Variants in KCNQ2 observed in about 807,000 individuals in gnomAD.
KCNQ2 encodes the protein potassium voltage-gated channel subfamily Q member 2.
KCNQ2 carries 14 observed loss-of-function variants against 84.8 expected under a neutral mutation model. The observed-to-expected ratio is 0.17, with a 90% CI of 0.11 to 0.26. The LOEUF is 0.26. Ranked by LOEUF, KCNQ2 falls within the 10% of genes least tolerant of loss-of-function variation. The probability of loss-of-function intolerance (pLI) is 1.00; values close to 1 mark genes in which losing one functional copy is unlikely to be tolerated. For synonymous variants in KCNQ2, 599 were observed against 554.1 expected (o/e 1.08, Z -1.14); for missense variants, 788 against 1,254.0 (o/e 0.63, Z 5.61).
At chr20:63,430,374 AC>A (rs1256970814) in intron 9 of KCNQ2, among the ~76,000 whole-genome samples, 14 of 152,012 alleles carry the variant, frequency 9.2e-5, no homozygotes, top group Non-Finnish European at 1.8e-4. Flanking sequence ...GGAGCCCTGG[AC>A]CCACCACTGC....
rs2081078064 is a variant in KCNQ2, at chr20:63,438,815, A to G, written c.928-95T>C. The G allele has an allele frequency of 1.8e-5, 14 of 775,256 alleles. No individual in the cohort carries two copies. The highest frequency in any genetic ancestry group is 2.8e-5 in the South Asian group (2 of 71,188). 48.0% of individuals were successfully genotyped at this position (775,256 alleles called of 1,614,324 possible). A position where few individuals can be genotyped will look rare whatever the true frequency, so the allele number is the denominator to read the frequency against. ...GCTCTGGGGCCCCACACCCCCCCCAATTCATCAGGGTCAGACCACACTCCA... is the reference window on the plus strand; with the variant it reads ...GCTCTGGGGCCCCACACCCCCCCCAGTTCATCAGGGTCAGACCACACTCCA... On this transcript the variant is annotated intron_variant, in intron 6 of 16. Transcript: ENST00000359125. The surrounding 1 kb of genome is among the most constrained non-coding windows in gnomAD (Gnocchi z 5.1).
intron 15 of KCNQ2, among the ~76,000 whole-genome samples, chr20:63,410,672 G>A (rs969204638): frequency 6.6e-6 from 1 of 152,208 alleles, no homozygotes; most frequent in Non-Finnish European, 1.5e-5. Flanking sequence ...CCGTTCTCAC[G>A]GGAGGAGCAC....
chr20:63,451,719 C>T (rs956753779), intron 1 of KCNQ2, among the ~76,000 whole-genome samples: 1 of 152,016 alleles, frequency 6.6e-6, no homozygotes, highest in African/African-American at 2.4e-5. Flanking sequence ...ACCCAGTCAT[C>T]TCCCCACTGA....
intron 15 of KCNQ2, chr20:63,411,862 G>A (rs901101825): frequency 1.4e-6 from 1 of 710,234 alleles, no homozygotes; most frequent in Non-Finnish European, 2.6e-6. Flanking sequence ...AGGGGGCGGG[G>A]GACCCACAAT....
intron 11 of KCNQ2, among the ~76,000 whole-genome samples, chr20:63,423,340 G>T (rs901246579): frequency 1.3e-5 from 2 of 152,154 alleles, no homozygotes; most frequent in Admixed American, 6.5e-5. Flanking sequence ...CGTCCATCTC[G>T]GACCCCAGGT....
rs188064157 is a variant in KCNQ2, at chr20:63,441,801, G to A, written c.816+605C>T. 2.2e-4 allele frequency among the ~76,000 whole-genome samples: 33 copies of A among 152,358 alleles called. No homozygotes were observed. In the Middle Eastern group the frequency reaches 0.01, roughly 47 times the overall value. ...AAATAACTTCGGATCAGCTGCATCC[G>A]GCTTAGGCACCAGGTGGAGCTGCCC... On this transcript the variant is annotated intron_variant, in intron 5 of 16. Transcript: ENST00000359125.
chr20:63,452,295 G>A (rs2081637335), intron 1 of KCNQ2, among the ~76,000 whole-genome samples: 1 of 152,280 alleles, frequency 6.6e-6, no homozygotes, highest in African/African-American at 2.4e-5. Flanking sequence ...TTGAGAAGCT[G>A]TAATCCAGTG....
In KCNQ2 at chr20:63,446,857, G is replaced by A. The variant is rs763592414; in HGVS notation, c.297-20C>T. ...AGGAACCTGGGGGCAGGGAACGCGC[G>A]CTCTCAGACAGGCCGCAGCAGGGCA... On this transcript the variant is annotated intron_variant, in intron 1 of 16. Transcript: ENST00000359125. The surrounding 1 kb of genome is among the most constrained non-coding windows in gnomAD (Gnocchi z 5.5). The A allele has an allele frequency of 8.7e-6, 14 of 1,605,254 alleles. No homozygotes were observed. Among genetic ancestry groups the A allele is most frequent in the African/African-American group, 5.3e-5 (4 of 74,806 alleles).
chr20:63,407,917 G>A lies in KCNQ2; in HGVS notation c.1887+496C>T, dbSNP rs188083299. 1.9e-5 allele frequency: 4 copies of A among 210,244 alleles called. No individual in the cohort carries two copies. The highest frequency in any genetic ancestry group is 1.2e-4 in the East Asian group (1 of 8,168). The allele number at this position is 210,244 out of a possible 1,614,324, so 13.0% of individuals were successfully genotyped here. ...GAGCCAGGCCCTCCTGCTGCCCACCGTGGAACCCCCTTCAGGAAAGCCCCA... is the reference window on the plus strand; with the variant it reads ...GAGCCAGGCCCTCCTGCTGCCCACCATGGAACCCCCTTCAGGAAAGCCCCA... On this transcript the variant is annotated intron_variant, in intron 16 of 16. Coordinates refer to ENST00000359125, the MANE Select transcript of KCNQ2 (RefSeq NM_172107.4). This position sits in a 1 kb window ranked among gnomAD's most constrained non-coding sequence, Gnocchi z 7.2.
At position 63,400,825 on chromosome 20, in the gene KCNQ2, G is replaced by A. The variant is rs1038784911; in HGVS notation, c.*5819C>T. 10 of 398,174 alleles carry A rather than the reference G, an allele frequency of 2.5e-5. No homozygotes were observed. The highest frequency in any genetic ancestry group is 1.3e-4 in the South Asian group (1 of 7,866). 24.7% of individuals were successfully genotyped at this position (398,174 alleles called of 1,614,324 possible). A position where few individuals can be genotyped will look rare whatever the true frequency, so the allele number is the denominator to read the frequency against. On this transcript the variant is annotated 3_prime_UTR_variant, in exon 17 of 17. Transcript: ENST00000359125. The surrounding 1 kb of genome is among the most constrained non-coding windows in gnomAD (Gnocchi z 8.7). ...CCGTGAGACCCCTCCTGCCCTGCGCGTGTCTCTGGAGCCCGTCCCTTGGGC... is the reference window on the plus strand; with the variant it reads ...CCGTGAGACCCCTCCTGCCCTGCGCATGTCTCTGGAGCCCGTCCCTTGGGC...
chr20:63,421,228 A>C (rs2080461389), intron 11 of KCNQ2, among the ~76,000 whole-genome samples: 1 of 152,210 alleles, frequency 6.6e-6, no homozygotes, highest in African/African-American at 2.4e-5. Flanking sequence ...CGATTCTGCA[A>C]TGGGATCGTC....
Position 63,400,937 on chromosome 20 carries a change from G to A in KCNQ2, c.*5707C>T, listed in dbSNP as rs748863063. 1 of 398,204 alleles carries A rather than the reference G, an allele frequency of 2.5e-6. No individual in the cohort carries two copies. The highest frequency in any genetic ancestry group is 4.4e-6 in the Non-Finnish European group (1 of 225,722). 24.7% of individuals were successfully genotyped at this position (398,204 alleles called of 1,614,324 possible). A position where few individuals can be genotyped will look rare whatever the true frequency, so the allele number is the denominator to read the frequency against. ...CATGGGGCGACCTCAGGGAGTTCCT[G>A]TCCACATGCATTAAGGCAACGACTT... On this transcript the variant is annotated 3_prime_UTR_variant, in exon 17 of 17. Transcript: ENST00000359125. This position sits in a 1 kb window ranked among gnomAD's most constrained non-coding sequence, Gnocchi z 8.7.
chr20:63,420,752 CA>C (rs1167252677), intron 11 of KCNQ2, among the ~76,000 whole-genome samples: 1 of 152,166 alleles, frequency 6.6e-6, no homozygotes, highest in Non-Finnish European at 1.5e-5. Flanking sequence ...CACCAGCCTG[CA>C]AGACTCCAAG....
In KCNQ2 at chr20:63,472,416, C is replaced by T; in HGVS notation, c.48G>A (p.Gly16=). ...RNGGVYPGPS[G]EKKLKVGFVG... ...CGAAGCCCACCTTCAGCTTCTTCTC[C>T]CCGCTCGGGCCGGGGTATACGCCGC... The change falls in exon 1 of 17, where the codon GGG becomes GGA. Residue 16 remains glycine, a synonymous_variant. Coordinates refer to ENST00000359125, the MANE Select transcript of KCNQ2 (RefSeq NM_172107.4). 6.5e-7 allele frequency: 1 copy of T among 1,538,488 alleles called. No individual in the cohort carries two copies.
rs79184652 is a variant in KCNQ2, at chr20:63,415,143, C to A, written c.1302-17G>T. On this transcript the variant is annotated splice_polypyrimidine_tract_variant and intron_variant, in intron 12 of 16. Transcript: ENST00000359125. ...ACCTTCTGGCTGCTCCCACGGGAAC[C>A]GACAGACAGACAGAAAAACAGGGAG... 6.5e-7 allele frequency: 1 copy of A among 1,537,828 alleles called. No homozygotes were observed. The highest frequency in any genetic ancestry group is 1.1e-5 in the South Asian group (1 of 88,862).
At chr20:63,439,790 G>C in intron 5 of KCNQ2, 82 bp from the exon 6 acceptor site, 3 of 1,041,202 alleles carry the variant, frequency 2.9e-6, no homozygotes, top group East Asian at 4.8e-5. Context: ...GCGACTCGGG[G>C]CTTGGGATGG....
chr20:63,470,232 T>C (rs1158204286), intron 1 of KCNQ2, among the ~76,000 whole-genome samples: 1 of 144,432 alleles, frequency 6.9e-6, no homozygotes, highest in African/African-American at 2.8e-5. Context: ...GAGGAGAGCC[T>C]GGGAGCTCAG....
chr20:63,471,519 C>A (rs1012590426), intron 1 of KCNQ2, among the ~76,000 whole-genome samples: 1 of 151,952 alleles, frequency 6.6e-6, no homozygotes, highest in African/African-American at 2.4e-5. Context: ...CGGGGGCGGC[C>A]GGCGGCTGCA....
chr20:63,442,971 C>T (rs796752712), intron 4 of KCNQ2, among the ~76,000 whole-genome samples: 22 of 13,866 alleles, frequency 1.6e-3, no homozygotes, highest in East Asian at 4.7e-3. Flanking sequence ...ACCACCACCA[C>T]CACCATCACC....
Sources: allele counts gnomAD v4.1 joint callset (sites outside exome capture counted in the v4.1 genomes callset), GRCh38; gene constraint gnomAD v4.1.1; non-coding constraint Gnocchi (gnomAD v3.1); transcripts MANE v1.5; gene names NCBI Gene and HGNC (gene_info 2026-07-23, HGNC 2026-07-21).